Variants in NRXN3 observed in about 807,000 individuals in gnomAD.
NRXN3 encodes the protein neurexin III.
A neutral mutation model predicts 137.6 loss-of-function variants in NRXN3; 32 were observed. The observed-to-expected ratio is 0.23, with a 90% CI of 0.18 to 0.31. The LOEUF (loss-of-function observed/expected upper bound fraction) is 0.31. Among genes scored for constraint, NRXN3 ranks in the 10% least tolerant of loss-of-function variants. The pLI is 1.00. For synonymous variants in NRXN3, 798 were observed against 784.5 expected, an observed-to-expected ratio of 1.02 and a Z score of -0.29; for missense variants, 1,574 against 2,062.5, an observed-to-expected ratio of 0.76 and a Z score of 4.59.
chr14:79,732,125 G>T (rs560688975), intron 19 of NRXN3, among the ~76,000 whole-genome samples: 3 of 151,982 alleles, frequency 2.0e-5, no homozygotes, highest in African/African-American at 7.2e-5. Context: ...ATAGTATCCT[G>T]GTAAACTGGA....
chr14:79,529,579 C>T (rs184553708), intron 16 of NRXN3, among the ~76,000 whole-genome samples: 18 of 152,312 alleles, frequency 1.2e-4, no homozygotes, highest in African/African-American at 3.6e-4. Flanking sequence ...TATTAAAACA[C>T]ATGTCTTACC....
chr14:79,538,802 G>A (rs1449244507), intron 16 of NRXN3, among the ~76,000 whole-genome samples: 1 of 152,146 alleles, frequency 6.6e-6, no homozygotes, highest in Admixed American at 6.5e-5. Flanking sequence ...AAAATGGGGG[G>A]AATTCCTGAA....
chr14:78,904,987 G>T (rs953088005), intron 10 of NRXN3, among the ~76,000 whole-genome samples: 2 of 151,894 alleles, frequency 1.3e-5, no homozygotes, highest in Non-Finnish European at 2.9e-5. Context: ...ACATGATCCT[G>T]CACAACCACC....
At chr14:78,422,445 G>A (rs2093487425) in intron 4 of NRXN3, among the ~76,000 whole-genome samples, 1 of 152,158 alleles carries the variant, frequency 6.6e-6, no homozygotes, top group South Asian at 2.1e-4. Context: ...ACTCTTCAAT[G>A]CAAAGGTTTA....
intron 4 of NRXN3, among the ~76,000 whole-genome samples, chr14:78,300,959 T>G (rs7140340): frequency 0.74 from 112,499 of 151,898 alleles, 41,765 homozygotes; most frequent in Middle Eastern, 0.85. Flanking sequence ...ACTCTTTCTA[T>G]CAGGAACGGG....
At chr14:79,680,997 A>G (rs1286318816) in intron 17 of NRXN3, among the ~76,000 whole-genome samples, 1 of 152,108 alleles carries the variant, frequency 6.6e-6, no homozygotes, top group Non-Finnish European at 1.5e-5. Context: ...GCATCAACAC[A>G]TGCATCAACC....
chr14:78,250,158 A>G (rs1331937247), intron 2 of NRXN3: 2 of 502,164 alleles, frequency 4.0e-6, no homozygotes, highest in Non-Finnish European at 7.9e-6. Context: ...ATTAAGAGGC[A>G]GAGCTGCAAT....
rs188031233 is a variant in NRXN3, at chr14:79,805,068, C to T, written c.4015-44C>T. 5.0e-5 allele frequency: 68 copies of T among 1,364,400 alleles called. No individual in the cohort carries two copies. In the African/African-American group the frequency reaches 7.7e-4, roughly 15 times the overall value. 84.5% of individuals were successfully genotyped at this position (1,364,400 alleles called of 1,614,324 possible). A position where few individuals can be genotyped will look rare whatever the true frequency, so the allele number is the denominator to read the frequency against. ...ATTAGTTTCCTTATCTCTCTCTCTT[C>T]TCTCTCTTCCCCTACCCCATTATTT... On this transcript the variant is annotated intron_variant, in intron 19 of 20. Transcript: ENST00000335750.
chr14:79,712,251 G>A (rs1476430623), intron 19 of NRXN3, among the ~76,000 whole-genome samples: 2 of 152,040 alleles, frequency 1.3e-5, no homozygotes, highest in Admixed American at 6.5e-5. Flanking sequence ...GACTTTTTCA[G>A]TTTGACATAT....
intron 1 of NRXN3, among the ~76,000 whole-genome samples, chr14:78,185,400 T>C (rs1424220997): frequency 6.6e-6 from 1 of 151,984 alleles, no homozygotes; most frequent in Non-Finnish European, 1.5e-5. Flanking sequence ...AGGAAAGAAA[T>C]GGAGAGATTC....
intron 10 of NRXN3, among the ~76,000 whole-genome samples, chr14:78,828,339 A>T (rs1410325998): frequency 1.3e-5 from 2 of 152,224 alleles, no homozygotes. Context: ...GCATTAAATA[A>T]ACTTCATATC....
intron 19 of NRXN3, among the ~76,000 whole-genome samples, chr14:79,765,975 A>G (rs1335695655): frequency 1.3e-5 from 2 of 152,232 alleles, no homozygotes; most frequent in Admixed American, 6.5e-5. Context: ...TGTTTCCAGT[A>G]TAAAGTAGAA....
chr14:78,938,965 C>T (rs1370556630), intron 10 of NRXN3, among the ~76,000 whole-genome samples: 2 of 151,528 alleles, frequency 1.3e-5, no homozygotes, highest in African/African-American at 2.4e-5. Flanking sequence ...CCTGCCTCAG[C>T]CTCCGGAGTA....
intron 4 of NRXN3, among the ~76,000 whole-genome samples, chr14:78,544,502 C>T (rs765089349): frequency 2.6e-5 from 4 of 152,104 alleles, no homozygotes; most frequent in South Asian, 2.1e-4. Context: ...ACTTTATAAT[C>T]GGGAAAAGTC....
At chr14:78,467,150 G>A (rs1461917634) in intron 4 of NRXN3, among the ~76,000 whole-genome samples, 1 of 152,076 alleles carries the variant, frequency 6.6e-6, no homozygotes, top group Non-Finnish European at 1.5e-5. Context: ...CTGAACACCT[G>A]GGTCACATGT....
chr14:79,634,586 T>A lies in NRXN3; in HGVS notation c.3445-29192T>A, dbSNP rs1237625108. ...CAGAAACATAAAGTTGACTTGATCA[T>A]GCCCATTTTATAAATAAAGGAATGG... is the stretch of plus-strand genomic sequence containing the variant. On this transcript the variant is annotated intron_variant, in intron 16 of 20. Coordinates refer to ENST00000335750, the MANE Select transcript of NRXN3 (RefSeq NM_001330195.2). 2.6e-5 allele frequency among the ~76,000 whole-genome samples: 4 copies of A among 152,212 alleles called. 1 individual carries two copies. Among genetic ancestry groups the A allele is most frequent in the Non-Finnish European group, 5.9e-5 (4 of 68,034 alleles).
At chr14:79,368,970 A>T (rs2093994133) in intron 15 of NRXN3, among the ~76,000 whole-genome samples, 2 of 152,252 alleles carry the variant, frequency 1.3e-5, no homozygotes. Context: ...ATTCAGTCAC[A>T]TTCAAACTAT....
At chr14:78,281,165 A>G (rs1403564600) in intron 3 of NRXN3, among the ~76,000 whole-genome samples, 4 of 152,172 alleles carry the variant, frequency 2.6e-5, no homozygotes, top group African/African-American at 9.6e-5. Context: ...GGCCCTGGAC[A>G]TGGCAGGAGG....
rs566703766 is a variant in NRXN3, at chr14:79,213,761, T to A, written c.3262+225620T>A. Among the ~76,000 whole-genome samples, 153 of 152,244 alleles carry A rather than the reference T, an allele frequency of 1.0e-3. 3 individuals carry two copies. In the South Asian group the frequency reaches 0.03, roughly 30 times the overall value. ...CTCTTTGCCCTCTAGCACATAGCCA[T>A]CTGCTCGGCCACATCCACACAGTTC... On this transcript the variant is annotated intron_variant, in intron 15 of 20. Coordinates refer to ENST00000335750, the MANE Select transcript of NRXN3 (RefSeq NM_001330195.2).
Sources: allele counts gnomAD v4.1 joint callset (sites outside exome capture counted in the v4.1 genomes callset), GRCh38; gene constraint gnomAD v4.1.1; transcripts MANE v1.5; gene names NCBI Gene and HGNC (gene_info 2026-07-23, HGNC 2026-07-21).